The following RNASE6 variants were observed in gnomAD, a reference collection of about 807,000 sequenced individuals.
RNASE6 encodes ribonuclease K6.
For synonymous variants in RNASE6, 64 were observed against 63.6 expected (o/e 1.01, Z -0.03); for missense variants, 197 against 181.9 (o/e 1.08, Z -0.48).
At chr14:20,781,514 G>C (rs1410458790) in intron 1 of RNASE6, among the ~76,000 whole-genome samples, 176 bp downstream of exon 1, 2 of 152,134 alleles carry the variant, frequency 1.3e-5, no homozygotes, top group Admixed American at 1.3e-4. Flanking sequence ...TCAAAGGAGA[G>C]GTCATATTTC....
chr14:20,781,796 T>C lies in RNASE6; in HGVS notation c.97T>C (p.Trp33Arg). 1 of 1,614,172 alleles carries C rather than the reference T, an allele frequency of 6.2e-7. No homozygotes were observed. The highest frequency in any genetic ancestry group is 8.5e-7 in the Non-Finnish European group (1 of 1,180,034). The change falls in exon 2 of 2, where the codon TGG becomes CGG. Residue 33 changes from tryptophan (W) to arginine (R), a missense_variant. Trp to Arg is a moderately radical substitution (Grantham distance 101, BLOSUM62 -3). Transcript: ENST00000304677. ...AWPKRLTKAH[W>R]FEIQHIQPSP... is the part of the protein sequence containing the mutation. ...GCCTAAGCGTCTCACCAAGGCTCAC[T>C]GGTTTGAAATTCAGCATATACAGCC...
Position 20,782,384 on chromosome 14 carries a change from AT to A in RNASE6, c.*234del. On this transcript the variant is annotated 3_prime_UTR_variant, in exon 2 of 2. Transcript: ENST00000304677. ...GGAATAGGGAAGACAGCAAAGAAAG[AT>A]TCAGATTTCTAACCCTGCAACTTTT... 1 of 536,734 alleles carries A rather than the reference AT, an allele frequency of 1.9e-6. No individual in the cohort carries two copies. Among genetic ancestry groups the A allele is most frequent in the Non-Finnish European group, 3.3e-6 (1 of 300,418 alleles). The allele number at this position is 536,734 out of a possible 1,614,324, so 33.2% of individuals were successfully genotyped here. A position where few individuals can be genotyped will look rare whatever the true frequency, so the allele number is the denominator to read the frequency against.
Position 20,781,975 on chromosome 14 carries a change from C to A in RNASE6, c.276C>A (p.Cys92Ter), listed in dbSNP as rs753036884. 6.2e-7 allele frequency: 1 copy of A among 1,614,188 alleles called. No individual in the cohort carries two copies. The highest frequency in any genetic ancestry group is 2.2e-5 in the East Asian group (1 of 44,894). ...SIVCKNRRHN[C>*]HQSSKPVNMT... is the part of the protein sequence containing the mutation. The stretch of plus-strand genomic sequence containing the variant: ...TCTGCAAAAATCGTCGGCACAACTG[C>A]CACCAGAGCTCAAAGCCTGTCAACA... Residue 92 changes from cysteine to a stop codon, truncating the protein, a stop_gained, in exon 2 of 2, where the codon TGC becomes TGA. Transcript: ENST00000304677. LOFTEE classifies it low-confidence loss of function (END_TRUNC).
chr14:20,782,238 C>G lies in RNASE6; in HGVS notation c.*86C>G, dbSNP rs1006872845. 1 of 1,331,482 alleles carries G rather than the reference C, an allele frequency of 7.5e-7. No individual in the cohort carries two copies. Among genetic ancestry groups the G allele is most frequent in the African/African-American group, 1.5e-5 (1 of 67,852 alleles). The allele number at this position is 1,331,482 out of a possible 1,614,324, so 82.5% of individuals were successfully genotyped here. ...CTTTTCTTTTGTTGATTTTCTTGTTCCCGTAGAAGAAAGAAGAAAGGTGTT... is the reference window on the plus strand; with the variant it reads ...CTTTTCTTTTGTTGATTTTCTTGTTGCCGTAGAAGAAAGAAGAAAGGTGTT... On this transcript the variant is annotated 3_prime_UTR_variant, in exon 2 of 2. Coordinates refer to ENST00000304677, the MANE Select transcript of RNASE6 (RefSeq NM_005615.5).
rs375331234 is a variant in RNASE6 at position 20,781,798 on chromosome 14, G to A, written c.99G>A (p.Trp33Ter). 1 of 1,614,154 alleles carries A rather than the reference G, an allele frequency of 6.2e-7. No individual in the cohort carries two copies. The highest frequency in any genetic ancestry group is 1.7e-5 in the Admixed American group (1 of 60,018). ...AWPKRLTKAHWFEIQHIQPSP... is the reference protein window; with the variant it reads ...AWPKRLTKAH ...CTAAGCGTCTCACCAAGGCTCACTG[G>A]TTTGAAATTCAGCATATACAGCCAA... The change falls in exon 2 of 2, where the codon TGG (tryptophan) becomes TGA (stop). Residue 33 changes from tryptophan to a stop codon, truncating the protein, a stop_gained. Coordinates refer to ENST00000304677, the MANE Select transcript of RNASE6 (RefSeq NM_005615.5). LOFTEE classifies it low-confidence loss of function (END_TRUNC).
chr14:20,781,566 T>C (rs1035358731), intron 1 of RNASE6, 129 bp from the exon 2 acceptor site: 13 of 677,254 alleles, frequency 1.9e-5, no homozygotes, highest in South Asian at 6.3e-5. Flanking sequence ...TGTGAGACTA[T>C]GTGAGAAAGA....
intron 1 of RNASE6, 91 bp downstream of exon 1, chr14:20,781,429 G>T: frequency 4.8e-6 from 2 of 414,630 alleles, no homozygotes; most frequent in Non-Finnish European, 8.6e-6. Context: ...TTTCAGGAGG[G>T]AAGAGGGAAG....
In RNASE6 at chr14:20,781,761, T is replaced by G; in HGVS notation, c.62T>G (p.Leu21Arg). The change falls in exon 2 of 2, where the codon CTT (leucine) becomes CGT (arginine). Residue 21 changes from leucine (L) to arginine (R), a missense_variant. Leu to Arg is a moderately radical substitution (Grantham distance 102). Transcript: ENST00000304677. ...LLVLWGPVCP[L>R]HAWPKRLTKA... ...GTTCTATGGGGACCAGTGTGTCCAC[T>G]TCATGCTTGGCCTAAGCGTCTCACC... is the stretch of plus-strand genomic sequence containing the variant. 6.2e-7 allele frequency: 1 copy of G among 1,614,178 alleles called. No homozygotes were observed. Among genetic ancestry groups the G allele is most frequent in the Non-Finnish European group, 8.5e-7 (1 of 1,180,016 alleles).
Position 20,781,880 on chromosome 14 carries a change from A to G in RNASE6, c.181A>G (p.Lys61Glu). 6.2e-7 allele frequency: 1 copy of G among 1,614,218 alleles called. No individual in the cohort carries two copies. Among genetic ancestry groups the G allele is most frequent in the Non-Finnish European group, 8.5e-7 (1 of 1,180,044 alleles). ...SGINNYTQHC[K>E]HQNTFLHDSF... ...CATCAACAATTATACCCAGCACTGT[A>G]AGCATCAAAATACCTTTCTGCATGA... Residue 61 changes from lysine to glutamate, a missense_variant, in exon 2 of 2, where the codon AAG (lysine) becomes GAG (glutamate). Physicochemically the swap from Lys to Glu is moderately conservative, Grantham distance 56. Coordinates refer to ENST00000304677, the MANE Select transcript of RNASE6 (RefSeq NM_005615.5).
rs137994831 is a variant in RNASE6, at chr14:20,781,710, G to C, written c.11G>C (p.Cys4Ser). 1,204 of 1,607,782 alleles carry C rather than the reference G, an allele frequency of 7.5e-4. 2 individuals carry two copies. Among genetic ancestry groups the C allele is most frequent in the Non-Finnish European group, 9.4e-4 (1,104 of 1,176,642 alleles). The change falls in exon 2 of 2, where the codon TGC becomes TCC. Residue 4 changes from cysteine (C) to serine (S), a missense_variant. Cys to Ser is a moderately radical substitution (Grantham distance 112, BLOSUM62 -1). Coordinates refer to ENST00000304677, the MANE Select transcript of RNASE6 (RefSeq NM_005615.5). MVL[C>S]FPLLLLLLVL... ...TTCTACACAGAAAAGATGGTGCTAT[G>C]CTTTCCTCTTCTTTTACTGCTGCTG...
chr14:20,781,852 T>A lies in RNASE6; in HGVS notation c.153T>A (p.Ser51Arg). 3.7e-6 allele frequency: 6 copies of A among 1,614,182 alleles called. No individual in the cohort carries two copies. The highest frequency in any genetic ancestry group is 5.1e-6 in the Non-Finnish European group (6 of 1,180,038). The change falls in exon 2 of 2, where the codon AGT becomes AGA. Residue 51 changes from serine to arginine, a missense_variant. Coordinates refer to ENST00000304677, the MANE Select transcript of RNASE6 (RefSeq NM_005615.5). ...PSPLQCNRAM[S>R]GINNYTQHCK... is the part of the protein sequence containing the mutation. ...CTCTCCAATGCAACAGGGCAATGAG[T>A]GGCATCAACAATTATACCCAGCACT...
Position 20,781,793 on chromosome 14 carries a change from C to T in RNASE6, c.94C>T (p.His32Tyr), listed in dbSNP as rs919212101. ...TTGGCCTAAGCGTCTCACCAAGGCT[C>T]ACTGGTTTGAAATTCAGCATATACA... ...HAWPKRLTKA[H>Y]WFEIQHIQPS... The change falls in exon 2 of 2, where the codon CAC (histidine) becomes TAC (tyrosine). Residue 32 changes from histidine to tyrosine, a missense_variant. His to Tyr is a moderately conservative substitution (Grantham distance 83). Transcript: ENST00000304677. 2 of 1,614,014 alleles carry T rather than the reference C, an allele frequency of 1.2e-6. No individual in the cohort carries two copies. The highest frequency in any genetic ancestry group is 4.5e-5 in the East Asian group (2 of 44,882).
At chr14:20,781,551 A>T in intron 1 of RNASE6, 144 bp from the exon 2 acceptor site, 1 of 633,356 alleles carries the variant, frequency 1.6e-6, no homozygotes, top group Non-Finnish European at 2.6e-6. Context: ...GGTTCTTCAT[A>T]GAATTGTGAG....
In RNASE6 at chr14:20,782,011, CAG is replaced by C; in HGVS notation, c.314_315del (p.Arg105ThrfsTer12). 1 of 1,614,230 alleles carries C rather than the reference CAG, an allele frequency of 6.2e-7. No homozygotes were observed. Among genetic ancestry groups the C allele is most frequent in the Non-Finnish European group, 8.5e-7 (1 of 1,180,042 alleles). On this transcript the variant is annotated frameshift_variant, in exon 2 of 2. Transcript: ENST00000304677. LOFTEE classifies it low-confidence loss of function (END_TRUNC). ...SSKPVNMTDC[R>X]LTSGKYPQCR... ...CAAAGCCTGTCAACATGACTGACTGCAGACTCACTTCAGGAAAGTATCCCCAG... is the reference window on the plus strand; with the variant it reads ...CAAAGCCTGTCAACATGACTGACTGCACTCACTTCAGGAAAGTATCCCCAG...
At chr14:20,781,623 TA>T in intron 1 of RNASE6, 71 bp from the exon 2 acceptor site, 2 of 1,185,942 alleles carry the variant, frequency 1.7e-6, no homozygotes, top group South Asian at 1.6e-5. Context: ...AATAAAAATC[TA>T]AATAGTTATG....
chr14:20,782,453 C>A lies in RNASE6; in HGVS notation c.*301C>A. On this transcript the variant is annotated 3_prime_UTR_variant, in exon 2 of 2. Transcript: ENST00000304677. The stretch of plus-strand genomic sequence containing the variant: ...TGTGTTCACAGCAATAAAACCACTT[C>A]CTGCTGCATTCTAATGAGTGTGTGT... 1 of 340,676 alleles carries A rather than the reference C, an allele frequency of 2.9e-6. No individual in the cohort carries two copies. Among genetic ancestry groups the A allele is most frequent in the Non-Finnish European group, 5.7e-6 (1 of 176,852 alleles). 21.1% of individuals were successfully genotyped at this position (340,676 alleles called of 1,614,324 possible).
chr14:20,782,053 T>C lies in RNASE6; in HGVS notation c.354T>C (p.Ala118=), dbSNP rs34972223. Residue 118 remains alanine (A), a synonymous_variant, in exon 2 of 2, where the codon GCT becomes GCC. Coordinates refer to ENST00000304677, the MANE Select transcript of RNASE6 (RefSeq NM_005615.5). ...SGKYPQCRYS[A]AAQYKFFIVA... Reference sequence around the variant, plus strand: ...AGTATCCCCAGTGCCGCTATAGTGCTGCTGCCCAGTACAAATTCTTCATTG... The same window carrying C: ...AGTATCCCCAGTGCCGCTATAGTGCCGCTGCCCAGTACAAATTCTTCATTG... 0.06 allele frequency: 97,538 copies of C among 1,614,170 alleles called. 3,467 individuals carry two copies. Among genetic ancestry groups the C allele is most frequent in the Non-Finnish European group, 0.073 (85,627 of 1,180,000 alleles).
intron 1 of RNASE6, 142 bp from the exon 2 acceptor site, chr14:20,781,553 A>C: frequency 1.6e-6 from 1 of 639,450 alleles, no homozygotes; most frequent in Non-Finnish European, 2.6e-6. Context: ...TTCTTCATAG[A>C]ATTGTGAGAC....
In RNASE6 at chr14:20,781,786, C is replaced by T. The variant is rs749791335; in HGVS notation, c.87C>T (p.Thr29=). 3 of 1,614,158 alleles carry T rather than the reference C, an allele frequency of 1.9e-6. No homozygotes were observed. The South Asian group carries it at 3.3e-5, about 18-fold the overall frequency. The change falls in exon 2 of 2, where the codon ACC becomes ACT. Residue 29 remains threonine (T), a synonymous_variant. Transcript: ENST00000304677. ...TTCATGCTTGGCCTAAGCGTCTCAC[C>T]AAGGCTCACTGGTTTGAAATTCAGC... is the stretch of plus-strand genomic sequence containing the variant. ...CPLHAWPKRL[T]KAHWFEIQHI...
Sources: gnomAD v4.1 joint callset for allele counts (sites outside exome capture counted in the v4.1 genomes callset) on GRCh38, gnomAD v4.1.1 for gene constraint, MANE v1.5 for transcripts, NCBI Gene and HGNC (gene_info 2026-07-23, HGNC 2026-07-21) for gene names.